The following KCNMA1 variants were observed in gnomAD, a reference collection of about 807,000 sequenced individuals.
The protein encoded by KCNMA1 is potassium calcium-activated channel subfamily M alpha 1.
KCNMA1 carries 29 observed loss-of-function variants against 140.0 expected under a neutral mutation model. That is an observed-to-expected ratio of 0.21 (90% CI 0.15 to 0.28). KCNMA1 has a LOEUF of 0.28. Among genes scored for constraint, KCNMA1 ranks in the 10% least tolerant of loss-of-function variants. The pLI is 1.00. For missense variants in KCNMA1, 880 were observed against 1,602.2 expected (o/e 0.55, Z 7.70); for synonymous variants, 612 against 611.9 (o/e 1.00, Z 0.00).
intron 1 of KCNMA1, among the ~76,000 whole-genome samples, chr10:77,427,096 T>C (rs2097020630): frequency 6.6e-6 from 1 of 152,196 alleles, no homozygotes; most frequent in Non-Finnish European, 1.5e-5. Context: ...CACATGCAAT[T>C]TCTGAGTGCA....
chr10:77,137,898 C>G (rs1042012773), intron 5 of KCNMA1, among the ~76,000 whole-genome samples: 1 of 152,174 alleles, frequency 6.6e-6, no homozygotes, highest in African/African-American at 2.4e-5. Context: ...CCTCCCGCCT[C>G]AGCCCCCCAA....
intron 2 of KCNMA1, chr10:77,315,325 G>T (rs2080544198): frequency 6.6e-6 from 1 of 152,170 alleles, no homozygotes; most frequent in Non-Finnish European, 1.5e-5. Context: ...TTGCCCCCCA[G>T]GCAAGCTCAT....
intron 5 of KCNMA1, among the ~76,000 whole-genome samples, chr10:77,156,708 T>C (rs571551948): frequency 5.3e-5 from 8 of 152,322 alleles, no homozygotes; most frequent in Admixed American, 5.2e-4. Flanking sequence ...ATTACTCTTG[T>C]AAATAACATC....
At chr10:76,910,489 A>G in intron 24 of KCNMA1, 1 of 300,620 alleles carries the variant, frequency 3.3e-6, no homozygotes, top group Non-Finnish European at 6.5e-6. Context: ...TGGGATAGTC[A>G]TTTTAGCCAC....
chr10:77,388,433 TG>T (rs2095693219), intron 2 of KCNMA1, among the ~76,000 whole-genome samples: 1 of 152,236 alleles, frequency 6.6e-6, no homozygotes, highest in Non-Finnish European at 1.5e-5. Flanking sequence ...GAAGACAGCC[TG>T]GGGAAGTTCA....
intron 3 of KCNMA1, among the ~76,000 whole-genome samples, chr10:77,196,842 C>A (rs1162909174): frequency 3.3e-5 from 5 of 151,994 alleles, no homozygotes; most frequent in Admixed American, 1.3e-4. Context: ...CAGCTTACAA[C>A]CAAGGCATGT....
At chr10:77,591,764 C>G (rs1210423472) in intron 1 of KCNMA1, among the ~76,000 whole-genome samples, 1 of 152,226 alleles carries the variant, frequency 6.6e-6, no homozygotes, top group Non-Finnish European at 1.5e-5. Context: ...CATCAATCCC[C>G]CACCTTGCCC....
chr10:77,084,726 C>T lies in KCNMA1; in HGVS notation c.1441-7G>A. 6.2e-7 allele frequency: 1 copy of T among 1,607,332 alleles called. No homozygotes were observed. ...ATGCATCTGCTGACTCTATCTAAGA[C>T]ACCGAAAGGAAAATTCACAGAACAC... On this transcript the variant is annotated splice_region_variant and splice_polypyrimidine_tract_variant and intron_variant, in intron 11 of 27. Transcript: ENST00000286628.
chr10:77,313,547 G>A (rs543218350), intron 2 of KCNMA1, among the ~76,000 whole-genome samples: 8 of 152,292 alleles, frequency 5.3e-5, no homozygotes, highest in African/African-American at 7.2e-5. Context: ...CAAGAACAGC[G>A]AACAGGATGT....
rs2093439504 is a variant in KCNMA1, at chr10:77,633,609, G to A, written c.378+3656C>T. 2.6e-5 allele frequency among the ~76,000 whole-genome samples: 4 copies of A among 152,232 alleles called. No individual in the cohort carries two copies. The South Asian group carries it at 8.3e-4, about 31-fold the overall frequency. On this transcript the variant is annotated intron_variant, in intron 1 of 27. Transcript: ENST00000286628. The stretch of plus-strand genomic sequence containing the variant: ...CCAGACCCTGGGTAATTACCAAGCT[G>A]TAATGGGATCTGATATTTATATTAG...
intron 3 of KCNMA1, among the ~76,000 whole-genome samples, chr10:77,185,131 T>C (rs1481312373): frequency 6.6e-6 from 1 of 152,070 alleles, no homozygotes; most frequent in Non-Finnish European, 1.5e-5. Context: ...CTTTTATTTA[T>C]TGTTTTCGAA....
intron 1 of KCNMA1, among the ~76,000 whole-genome samples, chr10:77,405,393 G>C (rs958057026): frequency 2.6e-5 from 4 of 152,264 alleles, no homozygotes; most frequent in African/African-American, 9.6e-5. Flanking sequence ...AGAGTGTCTG[G>C]GACAGAGTTG....
chr10:76,891,952 A>AT (rs34119830), intron 25 of KCNMA1, among the ~76,000 whole-genome samples: 1 of 152,028 alleles, frequency 6.6e-6, no homozygotes, highest in Non-Finnish European at 1.5e-5. Flanking sequence ...AGTTCAGGGG[A>AT]TTTTTTAGTA....
At chr10:77,418,708 C>CG (rs1566723792) in intron 1 of KCNMA1, among the ~76,000 whole-genome samples, 1 of 152,190 alleles carries the variant, frequency 6.6e-6, no homozygotes. Context: ...CTTGCATCCA[C>CG]GGGGGCCTCC....
chr10:77,062,892 C>T (rs533180358), intron 14 of KCNMA1, among the ~76,000 whole-genome samples: 1 of 152,122 alleles, frequency 6.6e-6, no homozygotes, highest in Non-Finnish European at 1.5e-5. Flanking sequence ...GCTGAGAAGC[C>T]AATGATGTTG....
chr10:76,921,833 T>G (rs2055918367), intron 23 of KCNMA1, among the ~76,000 whole-genome samples: 1 of 152,308 alleles, frequency 6.6e-6, no homozygotes, highest in Non-Finnish European at 1.5e-5. Context: ...AGGAAAAACC[T>G]CAGTTTAACC....
chr10:77,403,699 C>T (rs535223581), intron 2 of KCNMA1, among the ~76,000 whole-genome samples, 163 bp downstream of exon 2: 108 of 152,280 alleles, frequency 7.1e-4, no homozygotes, highest in Non-Finnish European at 1.3e-3. Context: ...CACAAGGAAC[C>T]GAGCCTCTCC....
intron 16 of KCNMA1, chr10:77,025,407 G>T: frequency 1.3e-6 from 2 of 1,576,890 alleles, no homozygotes; most frequent in African/African-American, 1.4e-5. Flanking sequence ...TGAAGATAGA[G>T]GGTGGAGGTT....
At chr10:77,246,829 C>T (rs112388447) in intron 3 of KCNMA1, among the ~76,000 whole-genome samples, 4 of 152,132 alleles carry the variant, frequency 2.6e-5, no homozygotes, top group African/African-American at 9.7e-5. Context: ...GGCAATTGTG[C>T]CCTTGGATGA....
Sources: allele counts gnomAD v4.1 joint callset (sites outside exome capture counted in the v4.1 genomes callset), GRCh38; gene constraint gnomAD v4.1.1; transcripts MANE v1.5; gene names NCBI Gene and HGNC (gene_info 2026-07-23, HGNC 2026-07-21).